Variants in CCBE1 observed in about 807,000 individuals in gnomAD.
The protein encoded by CCBE1 is collagen and calcium-binding EGF domain-containing protein 1.
In CCBE1, 37 loss-of-function variants were observed where a neutral mutation model predicts 50.0. The ratio of observed to expected loss-of-function variants is 0.74; its 90% CI spans 0.57 to 0.97. The LOEUF (loss-of-function observed/expected upper bound fraction) is 0.97. Among genes scored for constraint, CCBE1 ranks in the 50% least tolerant of loss-of-function variants. The pLI is 0.00. For synonymous variants in CCBE1, 234 were observed against 203.7 expected, an observed-to-expected ratio of 1.15 and a Z score of -1.27; for missense variants, 538 against 523.8, an observed-to-expected ratio of 1.03 and a Z score of -0.26.
intron 2 of CCBE1, among the ~76,000 whole-genome samples, chr18:59,572,829 G>T (rs769095444): frequency 6.6e-6 from 1 of 152,162 alleles, no homozygotes; most frequent in Non-Finnish European, 1.5e-5. Flanking sequence ...AAGAGTATAC[G>T]TGTGTGCCCC....
chr18:59,497,019 A>C lies in CCBE1; in HGVS notation c.213-16781T>G, dbSNP rs149340284. On this transcript the variant is annotated intron_variant, in intron 2 of 10. Coordinates refer to ENST00000439986, the MANE Select transcript of CCBE1 (RefSeq NM_133459.4). Reference sequence around the variant, plus strand: ...TTAATTTTTTCTTCGGCAAAATGGTATCTCAATATGTACCTTGTGGAGTTA... The same window carrying C: ...TTAATTTTTTCTTCGGCAAAATGGTCTCTCAATATGTACCTTGTGGAGTTA... Among the ~76,000 whole-genome samples the C allele has an allele frequency of 8.4e-3, 1,278 of 152,290 alleles. 12 individuals are homozygous for C. The highest frequency in any genetic ancestry group is 0.029 in the African/African-American group (1,197 of 41,558).
chr18:59,458,431 T>C (rs1388883868), intron 5 of CCBE1, among the ~76,000 whole-genome samples: 1 of 152,256 alleles, frequency 6.6e-6, no homozygotes, highest in African/African-American at 2.4e-5. Flanking sequence ...CTGTCCACTT[T>C]TACTTTTACA....
chr18:59,664,949 G>A (rs2054333261), intron 2 of CCBE1, among the ~76,000 whole-genome samples: 1 of 152,208 alleles, frequency 6.6e-6, no homozygotes, highest in East Asian at 1.9e-4. Context: ...ACAGGCAGAG[G>A]AGGATCCATT....
intron 2 of CCBE1, among the ~76,000 whole-genome samples, chr18:59,574,675 TTC>T (rs1260946479): frequency 6.6e-6 from 1 of 152,192 alleles, no homozygotes; most frequent in East Asian, 1.9e-4. Context: ...TGCAGGGATA[TTC>T]TCTGTTATAC....
intron 3 of CCBE1, among the ~76,000 whole-genome samples, chr18:59,475,357 A>T (rs891063773): frequency 1.3e-5 from 2 of 152,192 alleles, no homozygotes; most frequent in Non-Finnish European, 2.9e-5. Context: ...ACTAATCAAC[A>T]TGAAATATAA....
At chr18:59,576,367 A>G (rs2052995500) in intron 2 of CCBE1, among the ~76,000 whole-genome samples, 1 of 152,234 alleles carries the variant, frequency 6.6e-6, no homozygotes, top group African/African-American at 2.4e-5. Flanking sequence ...AAATGGCTGT[A>G]CCATTCAGAT....
intron 6 of CCBE1, 88 bp downstream of exon 6, chr18:59,454,763 T>C (rs1374470013): frequency 2.6e-6 from 3 of 1,147,196 alleles, no homozygotes; most frequent in Non-Finnish European, 3.9e-6. Flanking sequence ...AATGTGGATA[T>C]TTTCTTATTT....
intron 2 of CCBE1, among the ~76,000 whole-genome samples, chr18:59,540,930 G>T (rs368725653): frequency 1.6e-4 from 24 of 152,214 alleles, no homozygotes; most frequent in African/African-American, 5.5e-4. Context: ...TGCTTTAGAA[G>T]AAAGTAGTTG....
chr18:59,479,986 A>G (rs189416731), intron 3 of CCBE1, among the ~76,000 whole-genome samples, 200 bp downstream of exon 3: 1 of 152,382 alleles, frequency 6.6e-6, no homozygotes, highest in African/African-American at 2.4e-5. Flanking sequence ...GTGCAAGCAC[A>G]TCATGTAATG....
At chr18:59,542,277 T>C (rs572175225) in intron 2 of CCBE1, among the ~76,000 whole-genome samples, 3 of 23,406 alleles carry the variant, frequency 1.3e-4, no homozygotes, top group Non-Finnish European at 3.0e-4. Flanking sequence ...CAGGTAGAAA[T>C]CTTAATAAAT....
intron 2 of CCBE1, among the ~76,000 whole-genome samples, chr18:59,637,540 G>A (rs1041944288): frequency 3.9e-5 from 6 of 151,956 alleles, no homozygotes; most frequent in Non-Finnish European, 7.4e-5. Context: ...AAGCTAAGGT[G>A]TACAAAGGAA....
At chr18:59,439,432 A>T in intron 9 of CCBE1, 111 bp downstream of exon 9, 2 of 1,316,592 alleles carry the variant, frequency 1.5e-6, no homozygotes, top group Non-Finnish European at 2.2e-6. Flanking sequence ...GTGCCATTGC[A>T]CTCCAGCCTG....
chr18:59,636,423 C>T (rs947163171), intron 2 of CCBE1, among the ~76,000 whole-genome samples: 24 of 152,164 alleles, frequency 1.6e-4, no homozygotes, highest in Non-Finnish European at 3.1e-4. Flanking sequence ...TTGAAGTTGT[C>T]CCAGATCTAG....
chr18:59,593,945 CAT>C lies in CCBE1; in HGVS notation c.212+102682_212+102683del, dbSNP rs1211825323. The stretch of plus-strand genomic sequence containing the variant: ...TGACCTCCCATTCCAACAGCAATGA[CAT>C]ATTCTTTCTTACCTTGTGCATTCAA... On this transcript the variant is annotated intron_variant, in intron 2 of 10. Transcript: ENST00000439986. 1.1e-4 allele frequency among the ~76,000 whole-genome samples: 16 copies of C among 152,228 alleles called. 1 individual carries two copies. Among genetic ancestry groups the C allele is most frequent in the Admixed American group, 1.0e-3 (16 of 15,288 alleles).
intron 2 of CCBE1, among the ~76,000 whole-genome samples, chr18:59,680,742 T>C (rs1041224520): frequency 2.0e-5 from 3 of 150,812 alleles, no homozygotes; most frequent in Non-Finnish European, 4.4e-5. Flanking sequence ...AAAACAAAAA[T>C]GAAGAAACAA....
chr18:59,643,485 G>A (rs1307347527), intron 2 of CCBE1, among the ~76,000 whole-genome samples: 1 of 152,106 alleles, frequency 6.6e-6, no homozygotes, highest in African/African-American at 2.4e-5. Flanking sequence ...AGTGGTTTAG[G>A]GAAATGCTTC....
intron 2 of CCBE1, among the ~76,000 whole-genome samples, chr18:59,500,695 A>G (rs1913576961): frequency 6.6e-6 from 1 of 152,118 alleles, no homozygotes; most frequent in South Asian, 2.1e-4. Context: ...AGTGGACAGC[A>G]TTTACTGCTC....
chr18:59,644,486 A>G (rs1399393266), intron 2 of CCBE1, among the ~76,000 whole-genome samples: 2 of 152,240 alleles, frequency 1.3e-5, no homozygotes. Flanking sequence ...ACCTGTCCTC[A>G]GGTAAACAGC....
chr18:59,479,268 C>G (rs1023584623), intron 3 of CCBE1, among the ~76,000 whole-genome samples: 2 of 152,194 alleles, frequency 1.3e-5, no homozygotes, highest in African/African-American at 2.4e-5. Flanking sequence ...CTGGAACCCT[C>G]TGTAGCCCTC....
Sources: gnomAD v4.1 joint callset for allele counts (sites outside exome capture counted in the v4.1 genomes callset) on GRCh38, gnomAD v4.1.1 for gene constraint, MANE v1.5 for transcripts, NCBI Gene and HGNC (gene_info 2026-07-23, HGNC 2026-07-21) for gene names.